Variants in ABL1 observed in about 807,000 individuals in gnomAD.
ABL1 encodes ABL proto-oncogene 1, non-receptor tyrosine kinase, also known as tyrosine-protein kinase ABL1.
A neutral mutation model predicts 94.7 loss-of-function variants in ABL1; 11 were observed. The observed-to-expected ratio is 0.12, with a 90% CI of 0.07 to 0.19. The LOEUF is 0.19. Ranked by LOEUF, ABL1 falls within the 10% of genes least tolerant of loss-of-function variation. The probability of loss-of-function intolerance (pLI) is 1.00; values close to 1 mark genes in which losing one functional copy is unlikely to be tolerated. For missense variants in ABL1, 1,082 were observed against 1,489.4 expected (o/e 0.73, Z 4.50); for synonymous variants, 656 against 622.4 (o/e 1.05, Z -0.80).
intron 1 of ABL1, among the ~76,000 whole-genome samples, chr9:130,772,263 A>G (rs1030523679): frequency 3.3e-5 from 5 of 152,194 alleles, no homozygotes; most frequent in Non-Finnish European, 7.4e-5. Context: ...GTAGAGAGAT[A>G]TCTCCCAAAC....
chr9:130,856,387 C>T (rs966136043), intron 3 of ABL1, among the ~76,000 whole-genome samples: 4 of 152,096 alleles, frequency 2.6e-5, no homozygotes, highest in Non-Finnish European at 4.4e-5. Flanking sequence ...CACGCCTGGC[C>T]GTTTTTGTAT....
intron 1 of ABL1, among the ~76,000 whole-genome samples, chr9:130,733,158 C>T (rs530539572): frequency 6.6e-6 from 1 of 152,246 alleles, no homozygotes; most frequent in African/African-American, 2.4e-5. Flanking sequence ...TTAGTAGGGA[C>T]TGAATTTACA....
chr9:130,752,210 A>G (rs1263202914), intron 1 of ABL1, among the ~76,000 whole-genome samples: 1 of 152,178 alleles, frequency 6.6e-6, no homozygotes, highest in African/African-American at 2.4e-5. Flanking sequence ...CCAGATTCTG[A>G]AGGCAGGCAG....
intron 10 of ABL1, among the ~76,000 whole-genome samples, chr9:130,881,631 C>T (rs1482874558): frequency 6.6e-6 from 1 of 152,140 alleles, no homozygotes; most frequent in Non-Finnish European, 1.5e-5. Context: ...ACACGTGGGG[C>T]TTATTACAAT....
chr9:130,742,261 A>G lies in ABL1; in HGVS notation c.136+27806A>G, dbSNP rs888796989. On this transcript the variant is annotated intron_variant, in intron 1 of 10. Transcript: ENST00000372348. ...TATGCTCAGCAGTGAGTCACGTGAG[A>G]TGCACACGTAGCTTTTCGGTGATTA... Among the ~76,000 whole-genome samples, 6 of 152,270 alleles carry G rather than the reference A, an allele frequency of 3.9e-5. No individual in the cohort carries two copies. In the East Asian group the frequency reaches 1.2e-3, roughly 29 times the overall value.
At chr9:130,794,465 CAT>C (rs1246426778) in intron 1 of ABL1, among the ~76,000 whole-genome samples, 4 of 152,036 alleles carry the variant, frequency 2.6e-5, no homozygotes, top group African/African-American at 9.7e-5. Flanking sequence ...CACCTTAGAC[CAT>C]AGAAATATGT....
At position 130,884,286 on chromosome 9, in the gene ABL1, G is replaced by C; in HGVS notation, c.1996G>C (p.Ala666Pro). The part of the protein sequence containing the change: ...PAKSPKPSNG[A>P]GVPNGALRES... ...CAAGTCCCCAAAGCCCAGCAATGGG[G>C]CTGGGGTCCCCAATGGAGCCCTCCG... is the stretch of plus-strand genomic sequence containing the variant. The change falls in exon 11 of 11, where the codon GCT becomes CCT. Residue 666 changes from alanine (A) to proline (P), a missense_variant. This residue lies in a region of ABL1 where 780 missense variants were observed against 835.8 expected (regional missense o/e 0.93). Coordinates refer to ENST00000318560, the MANE Select transcript of ABL1 (RefSeq NM_005157.6). This position sits in a 1 kb window ranked among gnomAD's most constrained non-coding sequence, Gnocchi z 5.6. 2 of 1,605,680 alleles carry C rather than the reference G, an allele frequency of 1.2e-6. No homozygotes were observed. Among genetic ancestry groups the C allele is most frequent in the Non-Finnish European group, 1.7e-6 (2 of 1,176,312 alleles).
intron 1 of ABL1, among the ~76,000 whole-genome samples, chr9:130,743,504 A>T (rs1307940434): frequency 6.6e-6 from 1 of 152,184 alleles, no homozygotes; most frequent in Non-Finnish European, 1.5e-5. Flanking sequence ...CTCTCTTGAG[A>T]GTGGCTATAG....
intron 1 of ABL1, among the ~76,000 whole-genome samples, chr9:130,826,286 A>C (rs1235647958): frequency 6.6e-6 from 1 of 151,960 alleles, no homozygotes; most frequent in African/African-American, 2.4e-5. Flanking sequence ...ACGCCCAGCA[A>C]ATTTTTGTGT....
In ABL1 at chr9:130,884,941, C is replaced by T. The variant is rs754737701; in HGVS notation, c.2651C>T (p.Ser884Leu). ...AGGAGGCACAAGCACTCCTCTGAGT[C>T]GCCAGGGAGGGACAAGGGGAAATTG... ...RVRRHKHSSE[S>L]PGRDKGKLSR... The change falls in exon 11 of 11, where the codon TCG becomes TTG. Residue 884 changes from serine (S) to leucine (L), a missense_variant. By Grantham distance (145) the Ser-to-Leu change is moderately radical. Transcript: ENST00000318560. This position sits in a 1 kb window ranked among gnomAD's most constrained non-coding sequence, Gnocchi z 5.6. 1.2e-6 allele frequency: 2 copies of T among 1,611,516 alleles called. No individual in the cohort carries two copies. The highest frequency in any genetic ancestry group is 1.7e-6 in the Non-Finnish European group (2 of 1,179,580).
intron 1 of ABL1, among the ~76,000 whole-genome samples, chr9:130,741,399 T>A (rs535842658): frequency 6.7e-6 from 1 of 149,620 alleles, no homozygotes; most frequent in African/African-American, 2.5e-5. Context: ...GTTACCACAC[T>A]GATATACCAG....
Position 130,885,616 on chromosome 9 carries a change from C to G in ABL1, c.3326C>G (p.Ala1109Gly). The change falls in exon 11 of 11, where the codon GCG becomes GGG. Residue 1109 changes from alanine to glycine, a missense_variant. By Grantham distance (60) the Ala-to-Gly change is moderately conservative. Transcript: ENST00000318560. ...ICPATAGSGP[A>G]ATQDFSKLLS... ...CCGGCGACAGCAGGCAGTGGTCCAG[C>G]GGCCACTCAGGACTTCAGCAAGCTC... The G allele has an allele frequency of 6.2e-7, 1 of 1,613,384 alleles. No homozygotes were observed.
Position 130,814,843 on chromosome 9 carries a change from C to T in ABL1, c.137-39221C>T, listed in dbSNP as rs966546212. On this transcript the variant is annotated intron_variant, in intron 1 of 10. Transcript: ENST00000372348. The surrounding 1 kb of genome is among the most constrained non-coding windows in gnomAD (Gnocchi z 4.4). ...AGTGAGCCGAGATTGCACCACTGCACTCCAGCCTGGGTGACAGAGCCAGAC... is the reference window on the plus strand; with the variant it reads ...AGTGAGCCGAGATTGCACCACTGCATTCCAGCCTGGGTGACAGAGCCAGAC... 6.6e-6 allele frequency among the ~76,000 whole-genome samples: 1 copy of T among 151,882 alleles called. No homozygotes were observed. The highest frequency in any genetic ancestry group is 1.5e-5 in the Non-Finnish European group (1 of 68,004).
rs1019403337 is a variant in ABL1 at position 130,871,395 on chromosome 9, G to A, written c.823-734G>A. 7.2e-5 allele frequency among the ~76,000 whole-genome samples: 11 copies of A among 152,236 alleles called. No homozygotes were observed. The East Asian group carries it at 1.5e-3, about 21-fold the overall frequency. ...GTAGAAGTCACGGCCTGTCTGTCCCGGGCCCATGCTCCTATCTTTTTCTCC... is the reference window on the plus strand; with the variant it reads ...GTAGAAGTCACGGCCTGTCTGTCCCAGGCCCATGCTCCTATCTTTTTCTCC... On this transcript the variant is annotated intron_variant, in intron 4 of 10. Coordinates refer to ENST00000318560, the MANE Select transcript of ABL1 (RefSeq NM_005157.6).
chr9:130,747,756 C>T (rs1831905659), intron 1 of ABL1, among the ~76,000 whole-genome samples: 1 of 152,144 alleles, frequency 6.6e-6, no homozygotes, highest in Non-Finnish European at 1.5e-5. Flanking sequence ...CATTTATGCC[C>T]ACTAGGATGA....
chr9:130,885,722 C>A lies in ABL1; in HGVS notation c.*39C>A. 6.3e-7 allele frequency: 1 copy of A among 1,580,090 alleles called. No individual in the cohort carries two copies. Among genetic ancestry groups the A allele is most frequent in the Non-Finnish European group, 8.6e-7 (1 of 1,162,802 alleles). On this transcript the variant is annotated 3_prime_UTR_variant, in exon 11 of 11. Coordinates refer to ENST00000318560, the MANE Select transcript of ABL1 (RefSeq NM_005157.6). Reference sequence around the variant, plus strand: ...TCAGGTGTCAGGCCCGTCGGAGCTGCCTGCAGCACATGCGGGCTCGCCCAT... The same window carrying A: ...TCAGGTGTCAGGCCCGTCGGAGCTGACTGCAGCACATGCGGGCTCGCCCAT...
At chr9:130,867,088 A>G (rs1360946964) in intron 4 of ABL1, among the ~76,000 whole-genome samples, 1 of 152,238 alleles carries the variant, frequency 6.6e-6, no homozygotes, top group East Asian at 1.9e-4. Context: ...CTGGTGATCT[A>G]GCTGTGGCAT....
chr9:130,841,208 C>G (rs1253586155), intron 1 of ABL1, among the ~76,000 whole-genome samples: 3 of 151,734 alleles, frequency 2.0e-5, no homozygotes, highest in Non-Finnish European at 2.9e-5. Context: ...AGTGCAGTTG[C>G]ACGATCTCAG....
chr9:130,793,456 A>T (rs1246957264), intron 1 of ABL1, among the ~76,000 whole-genome samples: 1 of 152,148 alleles, frequency 6.6e-6, no homozygotes, highest in African/African-American at 2.4e-5. Context: ...ACTAATCAGG[A>T]TTTCCTGTAA....
Sources: allele counts gnomAD v4.1 joint callset (sites outside exome capture counted in the v4.1 genomes callset), GRCh38; gene constraint gnomAD v4.1.1; regional missense constraint gnomAD v4.1.1; non-coding constraint Gnocchi (gnomAD v3.1); transcripts MANE v1.5; gene names NCBI Gene and HGNC (gene_info 2026-07-23, HGNC 2026-07-21).